TRPC4: variants seen among roughly 807,000 people sequenced by gnomAD.
TRPC4 encodes transient receptor potential cation channel subfamily C member 4.
TRPC4 carries 49 observed loss-of-function variants against 99.4 expected under a neutral mutation model. The observed-to-expected ratio is 0.49, with a 90% CI of 0.39 to 0.63. The LOEUF (loss-of-function observed/expected upper bound fraction) is 0.63. TRPC4 is among the 20% of genes least tolerant of loss of function. The probability of loss-of-function intolerance (pLI) is 0.00; values close to 1 mark genes in which losing one functional copy is unlikely to be tolerated. For missense variants in TRPC4, 898 were observed against 1,152.9 expected, an observed-to-expected ratio of 0.78 and a Z score of 3.20; for synonymous variants, 454 against 425.9, an observed-to-expected ratio of 1.07 and a Z score of -0.81.
intron 1 of TRPC4, among the ~76,000 whole-genome samples, chr13:37,803,629 G>T (rs766550929): frequency 2.0e-5 from 3 of 152,078 alleles, no homozygotes; most frequent in Non-Finnish European, 4.4e-5. Context: ...GTCAGATATG[G>T]CCACTGCTTT....
intron 3 of TRPC4, among the ~76,000 whole-genome samples, chr13:37,733,818 T>G (rs1042870815): frequency 1.3e-5 from 2 of 152,082 alleles, no homozygotes; most frequent in Non-Finnish European, 2.9e-5. Flanking sequence ...TAGATACGGG[T>G]GGAGGACGAT....
intron 4 of TRPC4, among the ~76,000 whole-genome samples, chr13:37,691,674 A>G (rs1356165908): frequency 2.0e-5 from 3 of 152,372 alleles, no homozygotes; most frequent in Middle Eastern, 3.4e-3. Context: ...TAGGAATATT[A>G]GAATGATTAT....
At chr13:37,812,022 G>T (rs1411332204) in intron 1 of TRPC4, among the ~76,000 whole-genome samples, 1 of 151,190 alleles carries the variant, frequency 6.6e-6, no homozygotes, top group African/African-American at 2.4e-5. Flanking sequence ...AAATATCCAG[G>T]TGTGATGGTG....
At chr13:37,770,040 C>T (rs1446980085) in intron 2 of TRPC4, among the ~76,000 whole-genome samples, 1 of 151,468 alleles carries the variant, frequency 6.6e-6, no homozygotes, top group East Asian at 1.9e-4. Context: ...AGATTCCAAA[C>T]CTGATCATTT....
chr13:37,855,633 C>T (rs981529806), intron 1 of TRPC4, among the ~76,000 whole-genome samples: 103 of 147,178 alleles, frequency 7.0e-4, no homozygotes, highest in Middle Eastern at 3.5e-3. Flanking sequence ...TAAGTTAAGT[C>T]ACAAAACAAG....
In TRPC4 at chr13:37,637,440, T is replaced by A. The variant is rs1566058000; in HGVS notation, c.2397A>T (p.Leu799Phe). 6.2e-7 allele frequency: 1 copy of A among 1,613,704 alleles called. No homozygotes were observed. Among genetic ancestry groups the A allele is most frequent in the Non-Finnish European group, 8.5e-7 (1 of 1,179,800 alleles). The change falls in exon 11 of 11, where the codon TTA (leucine) becomes TTT (phenylalanine). Residue 799 changes from leucine to phenylalanine, a missense_variant. Leu to Phe is a conservative substitution (Grantham distance 22, BLOSUM62 0). Coordinates refer to ENST00000379705, the MANE Select transcript of TRPC4 (RefSeq NM_016179.4). ...CTGATCTCGGATGAATCAGGGTGGTTAAATCAAAAAGGCTGAAATTCTTTT... is the reference window on the plus strand; with the variant it reads ...CTGATCTCGGATGAATCAGGGTGGTAAAATCAAAAAGGCTGAAATTCTTTT... ...DKKKNFSLFD[L>F]TTLIHPRSAA...
At chr13:37,793,512 A>T (rs1957172600) in intron 1 of TRPC4, among the ~76,000 whole-genome samples, 1 of 151,512 alleles carries the variant, frequency 6.6e-6, no homozygotes, top group Non-Finnish European at 1.5e-5. Flanking sequence ...TAGGGAAATT[A>T]TTCAAAATAC....
intron 3 of TRPC4, among the ~76,000 whole-genome samples, chr13:37,734,946 CA>C (rs1955351387): frequency 6.6e-6 from 1 of 152,094 alleles, no homozygotes; most frequent in Non-Finnish European, 1.5e-5. Flanking sequence ...TGTTCCCTAA[CA>C]CTCCAAAGGA....
At position 37,685,552 on chromosome 13, in the gene TRPC4, G is replaced by A. The variant is rs556084093; in HGVS notation, c.1234+6447C>T. On this transcript the variant is annotated intron_variant, in intron 4 of 10. Coordinates refer to ENST00000379705, the MANE Select transcript of TRPC4 (RefSeq NM_016179.4). ...TTTCAGTTTCTACTATTATTACTAC[G>A]ATTACTACTACTACTATTGTTACTC... Among the ~76,000 whole-genome samples the A allele has an allele frequency of 3.3e-5, 5 of 151,928 alleles. No homozygotes were observed. In the South Asian group the frequency reaches 6.2e-4, roughly 19 times the overall value.
intron 5 of TRPC4, among the ~76,000 whole-genome samples, chr13:37,665,292 G>A (rs12585258): frequency 0.13 from 19,336 of 152,082 alleles, 1,497 homozygotes; most frequent in Middle Eastern, 0.24. Context: ...TTCTATCAGC[G>A]ATACAATTAG....
intron 2 of TRPC4, among the ~76,000 whole-genome samples, chr13:37,780,671 C>G (rs966203699): frequency 3.9e-5 from 6 of 152,012 alleles, no homozygotes; most frequent in Non-Finnish European, 7.4e-5. Context: ...AAATAAACAG[C>G]CAGGCTCTAA....
At chr13:37,796,600 G>C (rs1319359936) in intron 1 of TRPC4, among the ~76,000 whole-genome samples, 7 of 151,982 alleles carry the variant, frequency 4.6e-5, no homozygotes, top group Non-Finnish European at 1.0e-4. Flanking sequence ...GTTCTTTTGA[G>C]TCCTCACCAA....
At chr13:37,642,037 A>G (rs1424657560) in intron 8 of TRPC4, among the ~76,000 whole-genome samples, 2 of 152,218 alleles carry the variant, frequency 1.3e-5, no homozygotes, top group Non-Finnish European at 2.9e-5. Context: ...GTCCCTTTGC[A>G]TGATTTTGAT....
intron 5 of TRPC4, among the ~76,000 whole-genome samples, chr13:37,671,543 C>T (rs1433031091): frequency 6.7e-6 from 1 of 149,522 alleles, no homozygotes; most frequent in African/African-American, 2.5e-5. Context: ...CTAGTAGACT[C>T]ATAGTACATG....
chr13:37,635,460 G>A lies in TRPC4; in HGVS notation c.*1443C>T, dbSNP rs540718205. ...TAGAACAGAGGCTGGCATTGTTATT[G>A]CTGTTATTCCTTATTTTTGATGTTT... On this transcript the variant is annotated 3_prime_UTR_variant, in exon 11 of 11. Transcript: ENST00000379705. Among the ~76,000 whole-genome samples the A allele has an allele frequency of 6.6e-6, 1 of 152,202 alleles. No homozygotes were observed. The highest frequency in any genetic ancestry group is 2.1e-4 in the South Asian group (1 of 4,830).
intron 1 of TRPC4, among the ~76,000 whole-genome samples, chr13:37,852,541 C>A (rs1959086326): frequency 2.0e-5 from 3 of 152,166 alleles, no homozygotes; most frequent in African/African-American, 7.2e-5. Flanking sequence ...AGATTCCCAG[C>A]AATGGTGGCT....
At chr13:37,724,825 T>A (rs1294392851) in intron 3 of TRPC4, among the ~76,000 whole-genome samples, 1 of 152,204 alleles carries the variant, frequency 6.6e-6, no homozygotes, top group African/African-American at 2.4e-5. Flanking sequence ...AATCTCTTGT[T>A]AAATAATTTG....
chr13:37,832,007 A>G (rs1171099042), intron 1 of TRPC4, among the ~76,000 whole-genome samples: 2 of 152,158 alleles, frequency 1.3e-5, no homozygotes, highest in Non-Finnish European at 2.9e-5. Flanking sequence ...TGTGTTGTAT[A>G]TTTCAAAATC....
chr13:37,796,110 T>C (rs1957237691), intron 1 of TRPC4, among the ~76,000 whole-genome samples: 2 of 152,172 alleles, frequency 1.3e-5, no homozygotes, highest in African/African-American at 4.8e-5. Context: ...GAGATGCTCC[T>C]GAGTGAGGCT....
Sources: allele counts gnomAD v4.1 joint callset (sites outside exome capture counted in the v4.1 genomes callset), GRCh38; gene constraint gnomAD v4.1.1; transcripts MANE v1.5; gene names NCBI Gene and HGNC (gene_info 2026-07-23, HGNC 2026-07-21).